Variants in PCDHGB3 observed in about 807,000 individuals in gnomAD.
PCDHGB3 encodes protocadherin gamma subfamily B, 3, also known as protocadherin gamma-B3.
PCDHGB3 carries 40 observed loss-of-function variants against 59.2 expected under a neutral mutation model. That is an observed-to-expected ratio of 0.68 (90% CI 0.52 to 0.88). The LOEUF is 0.88. Among genes scored for constraint, PCDHGB3 ranks in the 40% least tolerant of loss-of-function variants. PCDHGB3 has a pLI of 0.00. For missense variants in PCDHGB3, 1,309 were observed against 1,187.9 expected, an observed-to-expected ratio of 1.10 and a Z score of -1.50; for synonymous variants, 581 against 503.6, an observed-to-expected ratio of 1.15 and a Z score of -2.06.
intron 1 of PCDHGB3, chr5:141,478,044 C>A (rs1302168166): frequency 1.9e-6 from 3 of 1,614,184 alleles, no homozygotes; most frequent in South Asian, 1.1e-5. Flanking sequence ...CCCAGGCAGA[C>A]TCTCACGGTC....
chr5:141,501,013 C>A (rs1456343329), intron 2 of PCDHGB3, among the ~76,000 whole-genome samples: 6 of 151,970 alleles, frequency 3.9e-5, no homozygotes, highest in Non-Finnish European at 8.8e-5. Flanking sequence ...GGACTACAGG[C>A]ACGCGCCACC....
chr5:141,450,831 T>TATTA (rs761717068), intron 1 of PCDHGB3, among the ~76,000 whole-genome samples: 2 of 144,580 alleles, frequency 1.4e-5, no homozygotes, highest in South Asian at 2.2e-4. Flanking sequence ...TTATTATTAT[T>TATTA]TTTTTTTTTT....
intron 1 of PCDHGB3, among the ~76,000 whole-genome samples, chr5:141,433,395 CTA>C (rs1426636882): frequency 1.1e-4 from 17 of 150,770 alleles, no homozygotes; most frequent in African/African-American, 4.1e-4. Flanking sequence ...ATCTATCTAT[CTA>C]TCTATCTATT....
At position 141,486,785 on chromosome 5, in the gene PCDHGB3, C is replaced by T. The variant is rs763174232; in HGVS notation, c.2416-8022C>T. 1.2e-5 allele frequency: 20 copies of T among 1,614,102 alleles called. No homozygotes were observed. The highest frequency in any genetic ancestry group is 5.3e-5 in the African/African-American group (4 of 74,936). On this transcript the variant is annotated intron_variant, in intron 1 of 3. Transcript: ENST00000576222. This position sits in a 1 kb window ranked among gnomAD's most constrained non-coding sequence, Gnocchi z 5.0. ...GACACTGCAGTTTGAGGTGCAGGCC[C>T]GGGATCGGGGCAACCCACCCCTTAG...
chr5:141,375,920 G>C, intron 1 of PCDHGB3: 1 of 1,613,748 alleles, frequency 6.2e-7, no homozygotes, highest in Non-Finnish European at 8.5e-7. Flanking sequence ...CAAGGCCAGC[G>C]AGCCAGGACT....
chr5:141,448,152 C>T (rs1463599948), intron 1 of PCDHGB3, among the ~76,000 whole-genome samples: 1 of 151,984 alleles, frequency 6.6e-6, no homozygotes, highest in African/African-American at 2.4e-5. Flanking sequence ...CAGACTCACC[C>T]CTGAAAGATC....
chr5:141,383,899 C>G (rs560928380), intron 1 of PCDHGB3: 10 of 1,613,958 alleles, frequency 6.2e-6, no homozygotes, highest in South Asian at 1.1e-5. Context: ...GGCAAAAGTA[C>G]TGATCACAGT....
At chr5:141,383,879 G>A (rs1196711965) in intron 1 of PCDHGB3, 2 of 1,613,862 alleles carry the variant, frequency 1.2e-6, no homozygotes, top group Non-Finnish European at 1.7e-6. Flanking sequence ...GGTCCTGGTA[G>A]TCTGACAAAG....
intron 1 of PCDHGB3, among the ~76,000 whole-genome samples, chr5:141,435,011 A>G (rs2097737147): frequency 6.6e-6 from 1 of 152,126 alleles, no homozygotes; most frequent in African/African-American, 2.4e-5. Flanking sequence ...TTTATCAATG[A>G]TAATGCTCTT....
intron 1 of PCDHGB3, chr5:141,413,736 G>C: frequency 6.2e-7 from 1 of 1,613,452 alleles, no homozygotes; most frequent in South Asian, 1.1e-5. Context: ...TAAGAGTTCA[G>C]AGCCGTGCCA....
intron 1 of PCDHGB3, among the ~76,000 whole-genome samples, chr5:141,475,171 C>A (rs545499118): frequency 6.6e-6 from 1 of 152,164 alleles, no homozygotes; most frequent in African/African-American, 2.4e-5. Context: ...AGCAGTGCAA[C>A]TTCTTGTGGC....
At chr5:141,474,332 G>A (rs1427828070) in intron 1 of PCDHGB3, among the ~76,000 whole-genome samples, 1 of 152,168 alleles carries the variant, frequency 6.6e-6, no homozygotes, top group Non-Finnish European at 1.5e-5. Flanking sequence ...TCACCCTGAT[G>A]TTTTGTTAAA....
intron 2 of PCDHGB3, among the ~76,000 whole-genome samples, chr5:141,498,825 C>A (rs2099786017): frequency 6.6e-6 from 1 of 151,974 alleles, no homozygotes; most frequent in Admixed American, 6.6e-5. Flanking sequence ...CCCAGCTACT[C>A]AGGAGGCTGA....
intron 1 of PCDHGB3, chr5:141,374,782 A>C (rs781674966): frequency 5.6e-6 from 9 of 1,613,904 alleles, no homozygotes; most frequent in Non-Finnish European, 7.6e-6. Flanking sequence ...TAACAGTTCT[A>C]GATGTGAATG....
intron 1 of PCDHGB3, among the ~76,000 whole-genome samples, chr5:141,437,926 T>C (rs1374182368): frequency 2.6e-5 from 4 of 152,058 alleles, no homozygotes; most frequent in Admixed American, 1.3e-4. Context: ...TTAGTAGAGA[T>C]GGGGTTTCAC....
intron 1 of PCDHGB3, among the ~76,000 whole-genome samples, chr5:141,461,824 T>C (rs958063237): frequency 1.3e-5 from 2 of 151,968 alleles, no homozygotes; most frequent in African/African-American, 4.8e-5. Flanking sequence ...CAGCTAATTT[T>C]TTTTTCTTTT....
In PCDHGB3 at chr5:141,485,697, A is replaced by G. The variant is rs76923861; in HGVS notation, c.2416-9110A>G. 48,100 of 1,614,036 alleles carry G rather than the reference A, an allele frequency of 0.03. 1,433 individuals carry two copies. Among genetic ancestry groups the G allele is most frequent in the African/African-American group, 0.15 (11,542 of 75,006 alleles). The stretch of plus-strand genomic sequence containing the variant: ...ATTAGCAGCTATAGGCTGAGCTCCA[A>G]TGAACACTTTGCACTGGATGTGAAG... On this transcript the variant is annotated intron_variant, in intron 1 of 3. Transcript: ENST00000576222. The surrounding 1 kb of genome is among the most constrained non-coding windows in gnomAD (Gnocchi z 5.7).
At chr5:141,468,330 CAAA>C (rs533390277) in intron 1 of PCDHGB3, 32,113 of 79,068 alleles carry the variant, frequency 0.41, 3,870 homozygotes, top group African/African-American at 0.52. Flanking sequence ...AACTCCATCT[CAAA>C]AAAAAAAAAA....
intron 1 of PCDHGB3, chr5:141,383,938 G>T (rs764534858): frequency 5.0e-6 from 8 of 1,613,866 alleles, no homozygotes; most frequent in Non-Finnish European, 5.9e-6. Context: ...TGCTCCAGAA[G>T]TGACTATGAC....
Sources: gnomAD v4.1 joint callset for allele counts (sites outside exome capture counted in the v4.1 genomes callset) on GRCh38, gnomAD v4.1.1 for gene constraint, Gnocchi (gnomAD v3.1) non-coding constraint, MANE v1.5 for transcripts, NCBI Gene and HGNC (gene_info 2026-07-23, HGNC 2026-07-21) for gene names.